The following DNAJC3 variants were observed in gnomAD, a reference collection of about 807,000 sequenced individuals.
The protein encoded by DNAJC3 is DnaJ heat shock protein family (Hsp40) member C3.
Under a neutral mutation model 68.6 loss-of-function variants are expected in DNAJC3, and 38 were observed. The observed-to-expected ratio is 0.55, with a 90% CI of 0.43 to 0.73. The LOEUF (loss-of-function observed/expected upper bound fraction) is 0.73, where lower values mean the gene tolerates loss of function less well. Among genes scored for constraint, DNAJC3 ranks in the 30% least tolerant of loss-of-function variants. The pLI is 0.00. For synonymous variants in DNAJC3, 203 were observed against 204.0 expected, an observed-to-expected ratio of 1.00 and a Z score of 0.04; for missense variants, 526 against 591.9, an observed-to-expected ratio of 0.89 and a Z score of 1.16.
At chr13:95,781,327 C>T (rs919054169) in intron 9 of DNAJC3, among the ~76,000 whole-genome samples, 1 of 152,068 alleles carries the variant, frequency 6.6e-6, no homozygotes, top group Admixed American at 6.6e-5. Flanking sequence ...ACTATCCTGA[C>T]AGTTGCCTTA....
chr13:95,705,100 C>T (rs552059121), intron 1 of DNAJC3, among the ~76,000 whole-genome samples: 1 of 152,170 alleles, frequency 6.6e-6, no homozygotes, highest in Admixed American at 6.5e-5. Flanking sequence ...GATCTGTCCG[C>T]CTAGGCCTCC....
chr13:95,759,801 A>G (rs1178405598), intron 5 of DNAJC3, among the ~76,000 whole-genome samples: 1 of 152,226 alleles, frequency 6.6e-6, no homozygotes, highest in African/African-American at 2.4e-5. Flanking sequence ...TTGTTATTAT[A>G]TATATCTCTT....
At chr13:95,696,568 T>A (rs946606187) in intron 1 of DNAJC3, among the ~76,000 whole-genome samples, 20 of 152,074 alleles carry the variant, frequency 1.3e-4, no homozygotes, top group African/African-American at 3.1e-4. Flanking sequence ...TTGCCTTTTT[T>A]AAAAAAAAAT....
chr13:95,679,840 G>A (rs896197039), intron 1 of DNAJC3, among the ~76,000 whole-genome samples: 1 of 152,182 alleles, frequency 6.6e-6, no homozygotes, highest in African/African-American at 2.4e-5. Flanking sequence ...AAAAAGAAAT[G>A]AAGGAGAATG....
chr13:95,688,920 TTGTGTGGGTGTGTG>T (rs1203217736), intron 1 of DNAJC3, among the ~76,000 whole-genome samples: 1 of 124,352 alleles, frequency 8.0e-6, no homozygotes, highest in Non-Finnish European at 1.6e-5. Flanking sequence ...GCCCATTTGA[TTGTGTGGGTGTGTG>T]TGTGTGTGTG....
chr13:95,785,869 T>G, intron 9 of DNAJC3, 70 bp from the exon 10 acceptor site: 1 of 1,425,582 alleles, frequency 7.0e-7, no homozygotes, highest in Non-Finnish European at 9.4e-7. Flanking sequence ...TAGCATCAAT[T>G]TTACAGGATA....
intron 1 of DNAJC3, among the ~76,000 whole-genome samples, chr13:95,704,857 T>G (rs1467607585): frequency 7.1e-6 from 1 of 139,960 alleles, no homozygotes; most frequent in Non-Finnish European, 1.5e-5. Flanking sequence ...GTGTGTTTTT[T>G]TTTTTTTTTT....
chr13:95,698,165 T>A (rs1276965093), intron 1 of DNAJC3, among the ~76,000 whole-genome samples: 1 of 152,290 alleles, frequency 6.6e-6, no homozygotes, highest in African/African-American at 2.4e-5. Flanking sequence ...TAGAGTCTTT[T>A]GCTTTGCTTT....
At chr13:95,788,829 A>T (rs1181958206) in intron 11 of DNAJC3, among the ~76,000 whole-genome samples, 2 of 152,180 alleles carry the variant, frequency 1.3e-5, no homozygotes, top group Non-Finnish European at 2.9e-5. Flanking sequence ...TGCCTGTGAG[A>T]TATCAAAGAT....
rs1016929882 is a variant in DNAJC3, at chr13:95,735,653, C to G, written c.393+10401C>G. On this transcript the variant is annotated intron_variant, in intron 4 of 11. Coordinates refer to ENST00000602402, the MANE Select transcript of DNAJC3 (RefSeq NM_006260.5). ...AGTGTCTGTTCATGTCCTTCGCCCA[C>G]TTTTTGATGGGGTTGTTTGTTTTTT... Among the ~76,000 whole-genome samples, 7 of 150,126 alleles carry G rather than the reference C, an allele frequency of 4.7e-5. 1 individual carries two copies. Among genetic ancestry groups the G allele is most frequent in the African/African-American group, 9.9e-5 (4 of 40,322 alleles).
chr13:95,791,071 A>AAAAAC lies in DNAJC3; in HGVS notation c.*45_*49dup. ...GCTCTTCTTAATTTTTTTAAAGATT[A>AAAAAC]AAAACAAAGAAATCTTGTTCCGGGA... On this transcript the variant is annotated 3_prime_UTR_variant, in exon 12 of 12. Transcript: ENST00000602402. The AAAAAC allele has an allele frequency of 1.3e-6, 2 of 1,595,506 alleles. No homozygotes were observed. The highest frequency in any genetic ancestry group is 2.2e-5 in the East Asian group (1 of 44,778).
At chr13:95,790,792 C>G in intron 11 of DNAJC3, 81 bp from the exon 12 acceptor site, 2 of 1,416,384 alleles carry the variant, frequency 1.4e-6, no homozygotes, top group East Asian at 2.5e-5. Flanking sequence ...CCCACCCACC[C>G]TCCTCTGCCC....
At chr13:95,705,461 A>G (rs1480677831) in intron 1 of DNAJC3, among the ~76,000 whole-genome samples, 2 of 151,724 alleles carry the variant, frequency 1.3e-5, no homozygotes, top group African/African-American at 4.8e-5. Flanking sequence ...AGTGACAAGA[A>G]TTTTGAAAAC....
chr13:95,750,710 C>T (rs747626653), intron 4 of DNAJC3, among the ~76,000 whole-genome samples: 6 of 151,868 alleles, frequency 4.0e-5, no homozygotes, highest in Non-Finnish European at 8.8e-5. Context: ...GATGTTTCTC[C>T]ATGTTGGCCA....
chr13:95,714,029 A>T (rs913594130), intron 2 of DNAJC3, among the ~76,000 whole-genome samples: 4 of 152,226 alleles, frequency 2.6e-5, no homozygotes, highest in Admixed American at 1.3e-4. Context: ...TATACGGAGA[A>T]CTTCTATCGT....
Position 95,754,587 on chromosome 13 carries a change from C to T in DNAJC3, c.394-3057C>T, listed in dbSNP as rs1036073640. ...ATGGGCTGGGTGCAGTGGCTCACGCCTGTAATCCCAGCACATTGGGAGGCC... is the reference window on the plus strand; with the variant it reads ...ATGGGCTGGGTGCAGTGGCTCACGCTTGTAATCCCAGCACATTGGGAGGCC... On this transcript the variant is annotated intron_variant, in intron 4 of 11. Coordinates refer to ENST00000602402, the MANE Select transcript of DNAJC3 (RefSeq NM_006260.5). Among the ~76,000 whole-genome samples the T allele has an allele frequency of 4.6e-5, 7 of 152,052 alleles. 1 individual carries two copies. The highest frequency in any genetic ancestry group is 7.4e-5 in the Non-Finnish European group (5 of 67,974).
At chr13:95,785,663 T>C (rs950350158) in intron 9 of DNAJC3, among the ~76,000 whole-genome samples, 1 of 150,964 alleles carries the variant, frequency 6.6e-6, no homozygotes, top group African/African-American at 2.4e-5. Flanking sequence ...CGGGGTTTCA[T>C]TGTGTTGGCC....
At position 95,768,180 on chromosome 13, in the gene DNAJC3, TTCAA is replaced by T. The variant is rs1883058110; in HGVS notation, c.1075+4232_1075+4235del. On this transcript the variant is annotated intron_variant, in intron 9 of 11. Transcript: ENST00000602402. ...TGCCATTTATTTTTTGCTATATGGT[TTCAA>T]TCAAGTCATTTAATTTACTTTTTAC... is the stretch of plus-strand genomic sequence containing the variant. 2.0e-5 allele frequency among the ~76,000 whole-genome samples: 3 copies of T among 152,230 alleles called. No homozygotes were observed. The South Asian group carries it at 6.2e-4, about 32-fold the overall frequency.
intron 1 of DNAJC3, among the ~76,000 whole-genome samples, chr13:95,686,627 G>C (rs1229003507): frequency 6.6e-6 from 1 of 152,058 alleles, no homozygotes; most frequent in Non-Finnish European, 1.5e-5. Context: ...ATTGAATTAG[G>C]GTGTCCTTTC....
Sources: gnomAD v4.1 joint callset for allele counts (sites outside exome capture counted in the v4.1 genomes callset) on GRCh38, gnomAD v4.1.1 for gene constraint, MANE v1.5 for transcripts, NCBI Gene and HGNC (gene_info 2026-07-23, HGNC 2026-07-21) for gene names.